The following ZNF384 variants were observed in gnomAD, a reference collection of about 807,000 sequenced individuals.
The protein encoded by ZNF384 is CAG repeat protein 1.
A neutral mutation model predicts 65.0 loss-of-function variants in ZNF384; 20 were observed. The ratio of observed to expected loss-of-function variants is 0.31; its 90% confidence interval spans 0.22 to 0.45. The LOEUF (loss-of-function observed/expected upper bound fraction) is 0.45, where lower values mean the gene tolerates loss of function less well. Ranked by LOEUF, ZNF384 falls within the 20% of genes least tolerant of loss-of-function variation. The probability of loss-of-function intolerance (pLI) is 1.00; values close to 1 mark genes in which losing one functional copy is unlikely to be tolerated. For missense variants in ZNF384, 549 were observed against 769.4 expected (o/e 0.71, Z 3.39); for synonymous variants, 310 against 303.9 (o/e 1.02, Z -0.21).
intron 10 of ZNF384, among the ~76,000 whole-genome samples, chr12:6,669,498 C>CT (rs575581443): frequency 0.025 from 3,494 of 141,570 alleles, 52 homozygotes; most frequent in Non-Finnish European, 0.035. Context: ...GGTCAAAACT[C>CT]TTTTTTTTTT....
chr12:6,670,438 A>G (rs1041793731), intron 10 of ZNF384, among the ~76,000 whole-genome samples: 2 of 152,196 alleles, frequency 1.3e-5, no homozygotes, highest in African/African-American at 2.4e-5. Context: ...AAAATAAAAA[A>G]TAGACACCTG....
In ZNF384 at chr12:6,672,670, TG is replaced by T; in HGVS notation, c.1005-139del. On this transcript the variant is annotated intron_variant, in intron 8 of 11. Coordinates refer to ENST00000683879, the MANE Select transcript of ZNF384 (RefSeq NM_001385745.1). This position sits in a 1 kb window ranked among gnomAD's most constrained non-coding sequence, Gnocchi z 4.4. ...CCCTCCTCCCAAAAACACTCCAGCCTGGATAGGCAAATGAAGAGGACACCCA... is the reference window on the plus strand; with the variant it reads ...CCCTCCTCCCAAAAACACTCCAGCCTGATAGGCAAATGAAGAGGACACCCA... 1.2e-6 allele frequency: 1 copy of T among 811,656 alleles called. No individual in the cohort carries two copies. Among genetic ancestry groups the T allele is most frequent in the Non-Finnish European group, 1.9e-6 (1 of 514,424 alleles). The allele number at this position is 811,656 out of a possible 1,614,324, so 50.3% of individuals were successfully genotyped here. A position where few individuals can be genotyped will look rare whatever the true frequency, so the allele number is the denominator to read the frequency against.
chr12:6,689,486 A>G (rs1959168500), upstream of ZNF384: 1 of 152,290 alleles, frequency 6.6e-6, no homozygotes, highest in Admixed American at 6.5e-5. Flanking sequence ...GCCGGAAACG[A>G]AAAGGGGGGA....
chr12:6,672,331 G>A lies in ZNF384; in HGVS notation c.1187+19C>T. 1 of 1,607,914 alleles carries A rather than the reference G, an allele frequency of 6.2e-7. No individual in the cohort carries two copies. The highest frequency in any genetic ancestry group is 8.5e-7 in the Non-Finnish European group (1 of 1,176,730). ...GCATGCCAGCGGGGCGGGGTCAGTA[G>A]CCCGCCACTCTCCCTTACCGTGTGT... is the stretch of plus-strand genomic sequence containing the variant. On this transcript the variant is annotated intron_variant, in intron 9 of 11. Transcript: ENST00000683879. This position sits in a 1 kb window ranked among gnomAD's most constrained non-coding sequence, Gnocchi z 4.4.
Position 6,679,011 on chromosome 12 carries a change from C to G in ZNF384, c.239G>C (p.Ser80Thr). The G allele has an allele frequency of 3.1e-6, 5 of 1,614,010 alleles. No individual in the cohort carries two copies. Among genetic ancestry groups the G allele is most frequent in the Non-Finnish European group, 4.2e-6 (5 of 1,180,004 alleles). The change falls in exon 4 of 12, where the codon AGC becomes ACC. Residue 80 changes from serine (S) to threonine (T), a missense_variant. Ser to Thr is a moderately conservative substitution (Grantham distance 58, BLOSUM62 1). Coordinates refer to ENST00000683879, the MANE Select transcript of ZNF384 (RefSeq NM_001385745.1). Reference sequence around the variant, plus strand: ...GATATTCTGGGTAACGGACGCTTGGCTGTGTGGGGTCAGCTGGTCTGACTT... The same window carrying G: ...GATATTCTGGGTAACGGACGCTTGGGTGTGTGGGGTCAGCTGGTCTGACTT... ...ESKSDQLTPH[S>T]QASVTQNITV...
At position 6,667,530 on chromosome 12, in the gene ZNF384, G is replaced by A; in HGVS notation, c.*184C>T. On this transcript the variant is annotated 3_prime_UTR_variant, in exon 12 of 12. Coordinates refer to ENST00000683879, the MANE Select transcript of ZNF384 (RefSeq NM_001385745.1). ...GTATTCCTTTGCAATCAGGAGGGCTGATGTTCCTTTTGAAGAAGAGTTCAG... is the reference window on the plus strand; with the variant it reads ...GTATTCCTTTGCAATCAGGAGGGCTAATGTTCCTTTTGAAGAAGAGTTCAG... 1.2e-6 allele frequency: 1 copy of A among 813,010 alleles called. No individual in the cohort carries two copies. The highest frequency in any genetic ancestry group is 2.1e-6 in the Non-Finnish European group (1 of 477,992). The allele number at this position is 813,010 out of a possible 1,614,324, so 50.4% of individuals were successfully genotyped here. A position where few individuals can be genotyped will look rare whatever the true frequency, so the allele number is the denominator to read the frequency against.
Position 6,666,483 on chromosome 12 carries a change from T to TA in ZNF384, c.*1230dup, listed in dbSNP as rs1949799835. 6.3e-6 allele frequency: 1 copy of TA among 159,224 alleles called. No homozygotes were observed. Among genetic ancestry groups the TA allele is most frequent in the African/African-American group, 2.4e-5 (1 of 41,694 alleles). The allele number at this position is 159,224 out of a possible 1,614,324, so 9.9% of individuals were successfully genotyped here. A position where few individuals can be genotyped will look rare whatever the true frequency, so the allele number is the denominator to read the frequency against. On this transcript the variant is annotated 3_prime_UTR_variant, in exon 12 of 12. Transcript: ENST00000683879. ...GTAGCTCCACTGCCTCTGATCCTTT[T>TA]ACATGAATTTATTTCTATACAATGT...
At chr12:6,668,842 TAGG>T (rs1565420915) in intron 11 of ZNF384, among the ~76,000 whole-genome samples, 186 bp downstream of exon 11, 14 of 152,326 alleles carry the variant, frequency 9.2e-5, no homozygotes. Context: ...TCTATAGGAT[TAGG>T]AGATCAGGCA....
At position 6,682,869 on chromosome 12, in the gene ZNF384, C is replaced by T. The variant is rs189179233; in HGVS notation, c.-5-3344G>A. On this transcript the variant is annotated intron_variant, in intron 2 of 11. Transcript: ENST00000683879. ...GAATTGAACAACGGTAGACTACCTA[C>T]ATATAGATTTTGCAGACAATGCTAG... Among the ~76,000 whole-genome samples the T allele has an allele frequency of 6.7e-4, 102 of 152,310 alleles. 1 individual carries two copies. In the East Asian group the frequency reaches 9.8e-3, roughly 15 times the overall value.
At position 6,672,438 on chromosome 12, in the gene ZNF384, G is replaced by A; in HGVS notation, c.1099C>T (p.Leu367Phe). Reference protein sequence around the residue: ...FANTSYLAQHLRIHSGAKPYN... With the variant: ...FANTSYLAQHFRIHSGAKPYN... ...GGCTTGGCCCCCGAGTGGATACGGA[G>A]GTGCTGGGCCAGGTAGGAGGTGTTG... The change falls in exon 9 of 12, where the codon CTC becomes TTC. Residue 367 changes from leucine to phenylalanine, a missense_variant. Physicochemically the swap from Leu to Phe is conservative, Grantham distance 22. Around this residue, in one of 5 missense-constraint regions of ZNF384, gnomAD observed 59 missense variants for 63.6 expected, o/e 0.93. Transcript: ENST00000683879. This position sits in a 1 kb window ranked among gnomAD's most constrained non-coding sequence, Gnocchi z 4.4. 1.9e-6 allele frequency: 3 copies of A among 1,614,204 alleles called. No individual in the cohort carries two copies. Among genetic ancestry groups the A allele is most frequent in the Non-Finnish European group, 2.5e-6 (3 of 1,180,014 alleles).
Position 6,667,970 on chromosome 12 carries a change from T to A in ZNF384, c.1571A>T (p.Gln524Leu). 6.2e-7 allele frequency: 1 copy of A among 1,611,964 alleles called. No homozygotes were observed. The highest frequency in any genetic ancestry group is 8.5e-7 in the Non-Finnish European group (1 of 1,178,746). The change falls in exon 12 of 12, where the codon CAG becomes CTG. Residue 524 changes from glutamine (Q) to leucine (L), a missense_variant. Around this residue, in one of 5 missense-constraint regions of ZNF384, gnomAD observed 136 missense variants for 183.0 expected, o/e 0.74. Transcript: ENST00000683879. ...CTGTGATGCCTGGGAGGCCTGGGCC[T>A]GGGCCTGGGCTTGAGCCTGAGCCTG... ...QAQAQAQAQA[Q>L]AQASQASQQQ... is the part of the protein sequence containing the mutation.
rs1403431515 is a variant in ZNF384, at chr12:6,672,556, G to T, written c.1005-24C>A. The stretch of plus-strand genomic sequence containing the variant: ...TCCTGCCGGAGAGGAGAGGAGGGAA[G>T]GGGGGAGGAGGAAGCAGTTCGACAC... On this transcript the variant is annotated intron_variant, in intron 8 of 11. Transcript: ENST00000683879. This position sits in a 1 kb window ranked among gnomAD's most constrained non-coding sequence, Gnocchi z 4.4. The T allele has an allele frequency of 4.3e-6, 7 of 1,609,314 alleles. No homozygotes were observed. In the South Asian group the frequency reaches 4.4e-5, roughly 10 times the overall value.
intron 11 of ZNF384, among the ~76,000 whole-genome samples, chr12:6,668,694 C>T (rs1214907268): frequency 7.1e-6 from 1 of 140,576 alleles, no homozygotes; most frequent in African/African-American, 2.7e-5. Context: ...GGTGACAGGG[C>T]GAGACTGTGT....
intron 7 of ZNF384, among the ~76,000 whole-genome samples, chr12:6,675,154 T>C (rs1363365448): frequency 1.3e-5 from 2 of 152,236 alleles, no homozygotes; most frequent in Admixed American, 1.3e-4. Flanking sequence ...AAAACTTAAA[T>C]TCATTTATAA....
At chr12:6,681,622 G>A (rs1161420550) in intron 2 of ZNF384, among the ~76,000 whole-genome samples, 1 of 152,080 alleles carries the variant, frequency 6.6e-6, no homozygotes, top group Non-Finnish European at 1.5e-5. Flanking sequence ...GGGTAGGCTG[G>A]GCACAGAAAC....
At position 6,672,531 on chromosome 12, in the gene ZNF384, T is replaced by A; in HGVS notation, c.1006A>T (p.Ile336Phe). 6.2e-7 allele frequency: 1 copy of A among 1,613,600 alleles called. No individual in the cohort carries two copies. Among genetic ancestry groups the A allele is most frequent in the Non-Finnish European group, 8.5e-7 (1 of 1,179,828 alleles). The change falls in exon 9 of 12, where the codon ATC becomes TTC. Residue 336 changes from isoleucine to phenylalanine, a missense_variant and splice_region_variant. Physicochemically the swap from Ile to Phe is conservative, Grantham distance 21. Coordinates refer to ENST00000683879, the MANE Select transcript of ZNF384 (RefSeq NM_001385745.1). The surrounding 1 kb of genome is among the most constrained non-coding windows in gnomAD (Gnocchi z 4.4). Reference sequence around the variant, plus strand: ...GTCTCCGTGTGCATCTTGGAGTGGATCCTGCCGGAGAGGAGAGGAGGGAAG... The same window carrying A: ...GTCTCCGTGTGCATCTTGGAGTGGAACCTGCCGGAGAGGAGAGGAGGGAAG... ...QLSHLQQHTR[I>F]HSKMHTETIK...
At chr12:6,676,066 G>GAGGC (rs1953437829) in intron 7 of ZNF384, among the ~76,000 whole-genome samples, 1 of 152,162 alleles carries the variant, frequency 6.6e-6, no homozygotes, top group Non-Finnish European at 1.5e-5. Flanking sequence ...CTGGGAGGCC[G>GAGGC]AGGCAGGCAG....
chr12:6,678,315 C>G lies in ZNF384; in HGVS notation c.498G>C (p.Lys166Asn). Residue 166 changes from lysine to asparagine, a missense_variant, in exon 6 of 12, where the codon AAG becomes AAC. Around this residue, in one of 5 missense-constraint regions of ZNF384, gnomAD observed 277 missense variants for 337.2 expected, o/e 0.82. Transcript: ENST00000683879. The surrounding 1 kb of genome is among the most constrained non-coding windows in gnomAD (Gnocchi z 4.9). ...CCTCGGTTAGGGTCGATGCTACCTT[C>G]TTGGAGAGGTCAGGGACAACCTGCA... ...QALQVVPDLS[K>N]KVASTLTEEG... 1 of 1,614,154 alleles carries G rather than the reference C, an allele frequency of 6.2e-7. No individual in the cohort carries two copies. Among genetic ancestry groups the G allele is most frequent in the Non-Finnish European group, 8.5e-7 (1 of 1,180,018 alleles).
At position 6,678,221 on chromosome 12, in the gene ZNF384, G is replaced by A. The variant is rs765146965; in HGVS notation, c.592C>T (p.Arg198Trp). The change falls in exon 6 of 12, where the codon CGG (arginine) becomes TGG (tryptophan). Residue 198 changes from arginine (R) to tryptophan (W), a missense_variant. By Grantham distance (101) the Arg-to-Trp change is moderately radical. Transcript: ENST00000683879. This position sits in a 1 kb window ranked among gnomAD's most constrained non-coding sequence, Gnocchi z 4.9. ...PKPPRGRKKK[R>W]MLESGLPEMN... ...TCGGGCAGCCCTGATTCCAGCATCC[G>A]CTTCTTCTTCCGGCCCCGGGGTGGC... The A allele has an allele frequency of 2.5e-6, 4 of 1,614,134 alleles. No individual in the cohort carries two copies. The highest frequency in any genetic ancestry group is 3.4e-6 in the Non-Finnish European group (4 of 1,180,020).
Sources: allele counts gnomAD v4.1 joint callset (sites outside exome capture counted in the v4.1 genomes callset), GRCh38; gene constraint gnomAD v4.1.1; regional missense constraint gnomAD v4.1.1; non-coding constraint Gnocchi (gnomAD v3.1); transcripts MANE v1.5; gene names NCBI Gene and HGNC (gene_info 2026-07-23, HGNC 2026-07-21).